The following FMNL2 variants were observed in gnomAD, a reference collection of about 807,000 sequenced individuals.
FMNL2 encodes the protein formin-like protein 2.
Under a neutral mutation model 130.2 loss-of-function variants are expected in FMNL2, and 51 were observed. That is an observed-to-expected ratio of 0.39 (90% CI 0.31 to 0.49). The LOEUF is 0.49. Among genes scored for constraint, FMNL2 ranks in the 20% least tolerant of loss-of-function variants. The pLI is 0.85. For synonymous variants in FMNL2, 465 were observed against 467.1 expected (o/e 1.00, Z 0.06); for missense variants, 977 against 1,316.2 (o/e 0.74, Z 3.99).
intron 6 of FMNL2, among the ~76,000 whole-genome samples, chr2:152,568,218 GTT>G (rs1177965681): frequency 5.7e-5 from 2 of 34,856 alleles, no homozygotes; most frequent in African/African-American, 8.4e-5. Context: ...ATTTTGGTGG[GTT>G]TTTTTTTTTT....
At chr2:152,566,481 A>G (rs1695844864) in intron 6 of FMNL2, among the ~76,000 whole-genome samples, 1 of 152,170 alleles carries the variant, frequency 6.6e-6, no homozygotes, top group African/African-American at 2.4e-5. Context: ...GTCGAACAGT[A>G]AGTGAAGGAG....
At chr2:152,518,916 C>T (rs1042612690) in intron 1 of FMNL2, among the ~76,000 whole-genome samples, 5 of 152,174 alleles carry the variant, frequency 3.3e-5, no homozygotes, top group South Asian at 2.1e-4. Flanking sequence ...AATGGCTTCC[C>T]GTGGCACTTC....
chr2:152,349,034 A>G (rs1282137620), intron 1 of FMNL2, among the ~76,000 whole-genome samples: 1 of 127,938 alleles, frequency 7.8e-6, no homozygotes, highest in Admixed American at 7.3e-5. Context: ...ACGGGGTTTC[A>G]CCTTGTTAGC....
At position 152,482,577 on chromosome 2, in the gene FMNL2, A is replaced by T. The variant is rs146215587; in HGVS notation, c.118-39366A>T. Among the ~76,000 whole-genome samples the T allele has an allele frequency of 9.9e-4, 151 of 152,304 alleles. 1 individual carries two copies. Among genetic ancestry groups the T allele is most frequent in the African/African-American group, 3.4e-3 (141 of 41,574 alleles). On this transcript the variant is annotated intron_variant, in intron 1 of 25. Coordinates refer to ENST00000288670, the MANE Select transcript of FMNL2 (RefSeq NM_052905.4). ...AGTGTGCTTAAGGTTCTAGACTCAA[A>T]CTTTTTGGATTTGAATTCTGGCTTT...
chr2:152,462,119 T>A (rs192375869), intron 1 of FMNL2, among the ~76,000 whole-genome samples: 11 of 152,256 alleles, frequency 7.2e-5, no homozygotes, highest in Admixed American at 7.2e-4. Flanking sequence ...TGCCTCAACC[T>A]CCCAAAGTGT....
intron 6 of FMNL2, among the ~76,000 whole-genome samples, chr2:152,565,310 A>G (rs1695773866): frequency 6.6e-6 from 1 of 152,228 alleles, no homozygotes; most frequent in Non-Finnish European, 1.5e-5. Context: ...GGCAATGTCC[A>G]GAGTTGGTCC....
intron 23 of FMNL2, among the ~76,000 whole-genome samples, chr2:152,639,735 G>A (rs748942625): frequency 6.6e-6 from 1 of 152,122 alleles, no homozygotes; most frequent in Non-Finnish European, 1.5e-5. Flanking sequence ...ATCAGGAAAG[G>A]ACTTCTGGAT....
intron 2 of FMNL2, among the ~76,000 whole-genome samples, chr2:152,530,376 ACAGT>A (rs749151391): frequency 3.3e-5 from 5 of 152,182 alleles, no homozygotes; most frequent in East Asian, 1.9e-4. Flanking sequence ...ACACACACAC[ACAGT>A]CAAAGGGCTT....
intron 8 of FMNL2, among the ~76,000 whole-genome samples, chr2:152,580,002 A>C (rs1051417727): frequency 1.3e-5 from 2 of 152,240 alleles, no homozygotes; most frequent in Non-Finnish European, 2.9e-5. Context: ...ACGAACTATC[A>C]AGTCCTCTTT....
chr2:152,620,465 CG>C (rs763589840), intron 15 of FMNL2, among the ~76,000 whole-genome samples: 49 of 152,252 alleles, frequency 3.2e-4, no homozygotes, highest in Non-Finnish European at 6.2e-4. Flanking sequence ...GATGACGCTA[CG>C]AGCCGTTTTC....
chr2:152,551,207 A>G (rs1694920329), intron 4 of FMNL2, among the ~76,000 whole-genome samples: 1 of 152,132 alleles, frequency 6.6e-6, no homozygotes, highest in Non-Finnish European at 1.5e-5. Flanking sequence ...ACCATCAAAT[A>G]CAAAAGGAAG....
intron 17 of FMNL2, among the ~76,000 whole-genome samples, chr2:152,627,122 T>C (rs1681847477): frequency 2.0e-5 from 3 of 152,250 alleles, no homozygotes; most frequent in Admixed American, 2.0e-4. Context: ...GTCAGTTTTC[T>C]CTGGAGTATC....
intron 9 of FMNL2, among the ~76,000 whole-genome samples, chr2:152,581,701 C>T (rs1696792599): frequency 6.6e-6 from 1 of 152,256 alleles, no homozygotes; most frequent in Admixed American, 6.5e-5. Flanking sequence ...GGGTAGTGGG[C>T]AGTGTTGTAG....
intron 1 of FMNL2, among the ~76,000 whole-genome samples, chr2:152,494,521 T>G (rs1306140893): frequency 6.6e-6 from 1 of 152,234 alleles, no homozygotes; most frequent in African/African-American, 2.4e-5. Context: ...AAGTTTGGTC[T>G]GAAAAATACG....
At chr2:152,564,459 T>C (rs143983339) in intron 6 of FMNL2, among the ~76,000 whole-genome samples, 373 of 152,276 alleles carry the variant, frequency 2.4e-3, no homozygotes, top group African/African-American at 8.5e-3. Context: ...CAGTGGCTCA[T>C]GCCTATAATC....
At chr2:152,430,799 G>A (rs1370209037) in intron 1 of FMNL2, among the ~76,000 whole-genome samples, 1 of 152,134 alleles carries the variant, frequency 6.6e-6, no homozygotes, top group Non-Finnish European at 1.5e-5. Context: ...CTTGAACTCG[G>A]GAGGTGGAGG....
chr2:152,555,274 A>G (rs1199902877), intron 4 of FMNL2, among the ~76,000 whole-genome samples: 1 of 152,194 alleles, frequency 6.6e-6, no homozygotes, highest in Non-Finnish European at 1.5e-5. Context: ...TCAGTTTGCA[A>G]CACTGCCTAA....
At chr2:152,372,097 G>C (rs1244842120) in intron 1 of FMNL2, among the ~76,000 whole-genome samples, 3 of 152,198 alleles carry the variant, frequency 2.0e-5, no homozygotes, top group South Asian at 4.1e-4. Context: ...GTATATGGAA[G>C]ATAAGAGTCC....
At chr2:152,618,769 C>A (rs1401897365) in intron 13 of FMNL2, 77 bp from the exon 14 acceptor site, 3 of 1,285,958 alleles carry the variant, frequency 2.3e-6, no homozygotes, top group Admixed American at 2.5e-5. Flanking sequence ...TTCTCTTTAT[C>A]CTCAGTTTGC....
Sources: allele counts gnomAD v4.1 joint callset (sites outside exome capture counted in the v4.1 genomes callset), GRCh38; gene constraint gnomAD v4.1.1; transcripts MANE v1.5; gene names NCBI Gene and HGNC (gene_info 2026-07-23, HGNC 2026-07-21).